Variants in FMNL2 observed in about 807,000 individuals in gnomAD.
FMNL2 encodes the protein formin-like protein 2.
In FMNL2, 51 loss-of-function variants were observed where a neutral mutation model predicts 130.2. The ratio of observed to expected loss-of-function variants is 0.39; its 90% CI spans 0.31 to 0.49. The LOEUF is 0.49. FMNL2 is among the 20% of genes least tolerant of loss of function. The pLI is 0.85. For missense variants in FMNL2, 977 were observed against 1,316.2 expected (o/e 0.74, Z 3.99); for synonymous variants, 465 against 467.1 (o/e 1.00, Z 0.06).
intron 1 of FMNL2, among the ~76,000 whole-genome samples, chr2:152,386,907 T>C (rs993168817): frequency 6.6e-6 from 1 of 152,210 alleles, no homozygotes; most frequent in Non-Finnish European, 1.5e-5. Context: ...CCTTTGTTGC[T>C]TTAGGAGTCT....
chr2:152,478,849 G>T (rs1690315082), intron 1 of FMNL2, among the ~76,000 whole-genome samples: 1 of 152,084 alleles, frequency 6.6e-6, no homozygotes, highest in African/African-American at 2.4e-5. Flanking sequence ...AAATTAAGTA[G>T]AATAAAGATG....
At chr2:152,393,742 G>T (rs906743564) in intron 1 of FMNL2, among the ~76,000 whole-genome samples, 48 of 152,166 alleles carry the variant, frequency 3.2e-4, no homozygotes, top group African/African-American at 1.1e-3. Flanking sequence ...AGCTCTTTGT[G>T]TAGTAGGTCA....
chr2:152,426,223 T>C (rs1308443176), intron 1 of FMNL2, among the ~76,000 whole-genome samples: 1 of 152,204 alleles, frequency 6.6e-6, no homozygotes, highest in African/African-American at 2.4e-5. Flanking sequence ...TTTATTTTTG[T>C]GTGTCTGTGG....
intron 1 of FMNL2, among the ~76,000 whole-genome samples, chr2:152,395,274 C>T (rs1685331211): frequency 6.6e-6 from 1 of 152,160 alleles, no homozygotes; most frequent in African/African-American, 2.4e-5. Flanking sequence ...GTGGCAAACC[C>T]TACACAAGAG....
At chr2:152,434,663 A>G (rs1321309031) in intron 1 of FMNL2, among the ~76,000 whole-genome samples, 1 of 151,868 alleles carries the variant, frequency 6.6e-6, no homozygotes, top group Non-Finnish European at 1.5e-5. Flanking sequence ...AAGTTTTTTA[A>G]CTGGCCTACT....
At chr2:152,556,990 G>A (rs548544294) in intron 4 of FMNL2, among the ~76,000 whole-genome samples, 29 of 151,752 alleles carry the variant, frequency 1.9e-4, no homozygotes, top group African/African-American at 6.5e-4. Flanking sequence ...GCCTAAGCAA[G>A]GCTAAGGGGC....
chr2:152,343,213 CA>C (rs1339934120), intron 1 of FMNL2, among the ~76,000 whole-genome samples: 1 of 152,230 alleles, frequency 6.6e-6, no homozygotes, highest in Admixed American at 6.5e-5. Flanking sequence ...CTGCTATCCC[CA>C]GAAGTAATCT....
chr2:152,554,038 C>T (rs188185176), intron 4 of FMNL2, among the ~76,000 whole-genome samples: 289 of 152,160 alleles, frequency 1.9e-3, no homozygotes, highest in Non-Finnish European at 3.2e-3. Flanking sequence ...CAAAATTGAA[C>T]GGCTAGTAAC....
intron 17 of FMNL2, among the ~76,000 whole-genome samples, chr2:152,627,625 C>T (rs1195887070): frequency 6.6e-6 from 1 of 152,102 alleles, no homozygotes; most frequent in East Asian, 1.9e-4. Flanking sequence ...TCTTGTTTGT[C>T]ATGATGATTA....
chr2:152,649,312 T>C lies in FMNL2; in HGVS notation c.*1407T>C, dbSNP rs1360357855. On this transcript the variant is annotated 3_prime_UTR_variant, in exon 26 of 26. Coordinates refer to ENST00000288670, the MANE Select transcript of FMNL2 (RefSeq NM_052905.4). ...TTCCCACCTAAGCCTCTGGGTAATA[T>C]TGTAAATATTGTTTTAAAATGCATC... The C allele has an allele frequency of 1.3e-5, 2 of 152,580 alleles. No individual in the cohort carries two copies. The highest frequency in any genetic ancestry group is 1.9e-4 in the East Asian group (1 of 5,196). The allele number at this position is 152,580 out of a possible 1,614,324, so 9.5% of individuals were successfully genotyped here.
At chr2:152,357,333 A>G in intron 1 of FMNL2, among the ~76,000 whole-genome samples, 1 of 109,098 alleles carries the variant, frequency 9.2e-6, no homozygotes, top group South Asian at 3.5e-4. Context: ...TAAATATTAA[A>G]TCAGTTTAAT....
At chr2:152,518,206 C>A (rs544453983) in intron 1 of FMNL2, among the ~76,000 whole-genome samples, 72 of 152,146 alleles carry the variant, frequency 4.7e-4, no homozygotes, top group Non-Finnish European at 7.9e-4. Context: ...TGAACTTTAA[C>A]CAGACCTCTG....
At chr2:152,421,713 G>A (rs1257573100) in intron 1 of FMNL2, among the ~76,000 whole-genome samples, 3 of 152,128 alleles carry the variant, frequency 2.0e-5, no homozygotes, top group Admixed American at 6.5e-5. Context: ...CTGGCTACCC[G>A]GGAGCTCATT....
intron 11 of FMNL2, 51 bp from the exon 12 acceptor site, chr2:152,614,800 C>G: frequency 1.3e-6 from 2 of 1,509,982 alleles, no homozygotes; most frequent in South Asian, 1.3e-5. Context: ...AAATGATGTT[C>G]TATTTCCATA....
At chr2:152,520,078 G>T (rs966820613) in intron 1 of FMNL2, among the ~76,000 whole-genome samples, 7 of 151,904 alleles carry the variant, frequency 4.6e-5, no homozygotes, top group Admixed American at 1.3e-4. Flanking sequence ...TATCCCAGGA[G>T]TTTTTTTTTA....
At chr2:152,397,686 G>T (rs192393138) in intron 1 of FMNL2, among the ~76,000 whole-genome samples, 1 of 151,836 alleles carries the variant, frequency 6.6e-6, no homozygotes, top group Non-Finnish European at 1.5e-5. Flanking sequence ...ACACCCAGAA[G>T]CATGGACCTT....
At chr2:152,427,461 C>T (rs1007368871) in intron 1 of FMNL2, among the ~76,000 whole-genome samples, 1 of 152,166 alleles carries the variant, frequency 6.6e-6, no homozygotes, top group African/African-American at 2.4e-5. Flanking sequence ...GCAGGAGAAT[C>T]GCTTGAACCC....
At chr2:152,373,509 C>T (rs1403815862) in intron 1 of FMNL2, among the ~76,000 whole-genome samples, 2 of 152,142 alleles carry the variant, frequency 1.3e-5, no homozygotes, top group African/African-American at 4.8e-5. Flanking sequence ...CCTGTGGATA[C>T]CAAAATCCAT....
intron 1 of FMNL2, among the ~76,000 whole-genome samples, chr2:152,393,803 T>C (rs1033825752): frequency 6.6e-6 from 1 of 152,228 alleles, no homozygotes; most frequent in Non-Finnish European, 1.5e-5. Context: ...CACTTCAGGC[T>C]TTGTGGGCCA....
Sources: allele counts gnomAD v4.1 joint callset (sites outside exome capture counted in the v4.1 genomes callset), GRCh38; gene constraint gnomAD v4.1.1; transcripts MANE v1.5; gene names NCBI Gene and HGNC (gene_info 2026-07-23, HGNC 2026-07-21).